The following PRKN variants were observed in gnomAD, a reference collection of about 807,000 sequenced individuals.
PRKN encodes E3 ubiquitin-protein ligase parkin.
A neutral mutation model predicts 59.5 loss-of-function variants in PRKN; 56 were observed. The observed-to-expected ratio is 0.94, with a 90% confidence interval of 0.76 to 1.18. The LOEUF is 1.18. Ranked by LOEUF, PRKN falls within the 50% of genes most tolerant of loss-of-function variation. The pLI is 0.00. For synonymous variants in PRKN, 250 were observed against 222.1 expected (o/e 1.13, Z -1.12); for missense variants, 657 against 596.4 (o/e 1.10, Z -1.06).
At chr6:161,800,306 T>C (rs1292919495) in intron 6 of PRKN, among the ~76,000 whole-genome samples, 2 of 152,154 alleles carry the variant, frequency 1.3e-5, no homozygotes, top group Admixed American at 6.5e-5. Context: ...GCTTTCCTAC[T>C]ACCATTTGCA....
intron 9 of PRKN, among the ~76,000 whole-genome samples, chr6:161,494,876 C>G (rs896515511): frequency 2.0e-5 from 3 of 152,154 alleles, no homozygotes; most frequent in African/African-American, 7.2e-5. Flanking sequence ...CCCAGCCTTT[C>G]CCCAGTCTTC....
intron 6 of PRKN, among the ~76,000 whole-genome samples, chr6:161,910,342 C>A (rs1042269888): frequency 6.6e-6 from 1 of 152,156 alleles, no homozygotes; most frequent in Non-Finnish European, 1.5e-5. Flanking sequence ...ACAACCTCCA[C>A]CTCCTGGGTT....
At position 162,193,666 on chromosome 6, in the gene PRKN, T is replaced by C. The variant is rs76244952; in HGVS notation, c.534+7465A>G. 7.5e-3 allele frequency among the ~76,000 whole-genome samples: 1,139 copies of C among 152,268 alleles called. 15 individuals are homozygous for C. The highest frequency in any genetic ancestry group is 0.014 in the Middle Eastern group (4 of 294). On this transcript the variant is annotated intron_variant, in intron 4 of 11. Coordinates refer to ENST00000366898, the MANE Select transcript of PRKN (RefSeq NM_004562.3). ...TGTGTCCTATGGCCATTTGTAGGAG[T>C]TGGTTCTAGGAAGGCTGCTGAAAAT...
chr6:161,446,831 T>A lies in PRKN; in HGVS notation c.1084-59954A>T, dbSNP rs975885735. 1.3e-5 allele frequency among the ~76,000 whole-genome samples: 2 copies of A among 152,176 alleles called. No homozygotes were observed. Among genetic ancestry groups the A allele is most frequent in the Admixed American group, 1.3e-4 (2 of 15,280 alleles). On this transcript the variant is annotated intron_variant, in intron 9 of 11. Coordinates refer to ENST00000366898, the MANE Select transcript of PRKN (RefSeq NM_004562.3). This position sits in a 1 kb window ranked among gnomAD's most constrained non-coding sequence, Gnocchi z 6.2. Reference sequence around the variant, plus strand: ...TCTTTGGATTTCTTTAAATTGCCATTTAATTCCATCCATCAACCCATTTTT... The same window carrying A: ...TCTTTGGATTTCTTTAAATTGCCATATAATTCCATCCATCAACCCATTTTT...
chr6:162,571,838 G>A (rs1283733286), intron 1 of PRKN, among the ~76,000 whole-genome samples: 1 of 152,158 alleles, frequency 6.6e-6, no homozygotes, highest in Non-Finnish European at 1.5e-5. Flanking sequence ...GGAAAATGCA[G>A]ATAAGTAACT....
In PRKN at chr6:161,785,843, T is replaced by C; in HGVS notation, c.800A>G (p.Tyr267Cys). The C allele has an allele frequency of 6.2e-7, 1 of 1,614,078 alleles. No individual in the cohort carries two copies. Among genetic ancestry groups the C allele is most frequent in the African/African-American group, 1.3e-5 (1 of 75,028 alleles). ...CCGATCATTGAGTCTTGTCACACAG[T>C]ATAAGTGGAAACAGTCTAAGCAAAT... is the stretch of plus-strand genomic sequence containing the variant. ...HVICLDCFHL[Y>C]CVTRLNDRQF... The change falls in exon 7 of 12, where the codon TAC becomes TGC. Residue 267 changes from tyrosine (Y) to cysteine (C), a missense_variant. Coordinates refer to ENST00000366898, the MANE Select transcript of PRKN (RefSeq NM_004562.3).
chr6:161,745,545 A>G (rs1583093074), intron 7 of PRKN, among the ~76,000 whole-genome samples: 1 of 152,216 alleles, frequency 6.6e-6, no homozygotes, highest in South Asian at 2.1e-4. Context: ...GTCAGGATGC[A>G]TGCTTTCTCT....
intron 2 of PRKN, among the ~76,000 whole-genome samples, chr6:162,372,616 C>T (rs973459251): frequency 2.0e-5 from 3 of 152,120 alleles, no homozygotes; most frequent in African/African-American, 7.2e-5. Context: ...GCTATGCTCA[C>T]TACTTGCGTT....
intron 7 of PRKN, among the ~76,000 whole-genome samples, chr6:161,633,996 A>AC (rs1425044649): frequency 1.4e-4 from 14 of 100,150 alleles, no homozygotes; most frequent in African/African-American, 4.6e-4. Context: ...TGGAAAACTT[A>AC]AACACACACA....
intron 9 of PRKN, among the ~76,000 whole-genome samples, chr6:161,506,109 C>T (rs1778159417): frequency 6.6e-6 from 1 of 150,718 alleles, no homozygotes; most frequent in South Asian, 2.1e-4. Context: ...CTATAAATTA[C>T]CTTGGGCAGT....
chr6:162,245,171 C>A (rs35402360), intron 3 of PRKN, among the ~76,000 whole-genome samples: 3 of 151,886 alleles, frequency 2.0e-5, no homozygotes, highest in Admixed American at 1.3e-4. Context: ...TCTTTCAATG[C>A]GATGTAGGTT....
In PRKN at chr6:162,479,370, C is replaced by T. The variant is rs779680046; in HGVS notation, c.8-35897G>A. On this transcript the variant is annotated intron_variant, in intron 1 of 11. Coordinates refer to ENST00000366898, the MANE Select transcript of PRKN (RefSeq NM_004562.3). ...TCTCCTGAGTAGCTGGGATTACAGG[C>T]GCATGCCAACATCCCCAGCTAATTT... 1.1e-4 allele frequency among the ~76,000 whole-genome samples: 16 copies of T among 152,052 alleles called. No homozygotes were observed. The South Asian group carries it at 1.5e-3, about 14-fold the overall frequency.
In PRKN at chr6:162,597,539, G is replaced by C. The variant is rs556076210; in HGVS notation, c.7+130123C>G. Among the ~76,000 whole-genome samples the C allele has an allele frequency of 5.9e-5, 9 of 152,270 alleles. No individual in the cohort carries two copies. In the South Asian group the frequency reaches 1.7e-3, roughly 28 times the overall value. On this transcript the variant is annotated intron_variant, in intron 1 of 11. Coordinates refer to ENST00000366898, the MANE Select transcript of PRKN (RefSeq NM_004562.3). ...TATTTGAAGACCTTTCTTATTATGTGTCTATATTGTATGAATTTTGCTTGT... is the reference window on the plus strand; with the variant it reads ...TATTTGAAGACCTTTCTTATTATGTCTCTATATTGTATGAATTTTGCTTGT...
At chr6:162,208,530 A>T (rs1785054467) in intron 3 of PRKN, among the ~76,000 whole-genome samples, 1 of 152,098 alleles carries the variant, frequency 6.6e-6, no homozygotes, top group African/African-American at 2.4e-5. Flanking sequence ...TTGCCAATTT[A>T]TTTTTTCATT....
chr6:162,213,776 T>C (rs2128075816), intron 3 of PRKN, among the ~76,000 whole-genome samples: 1 of 148,646 alleles, frequency 6.7e-6, no homozygotes, highest in Non-Finnish European at 1.5e-5. Flanking sequence ...ATTATTACTA[T>C]AGTAAAAATA....
intron 9 of PRKN, among the ~76,000 whole-genome samples, chr6:161,541,991 G>A (rs918232425): frequency 2.0e-5 from 3 of 152,166 alleles, no homozygotes; most frequent in African/African-American, 7.2e-5. Flanking sequence ...CCACTTGTAT[G>A]TAGATTTTCT....
rs1020316102 is a variant in PRKN at position 162,056,868 on chromosome 6, G to A, written c.535-2694C>T. The stretch of plus-strand genomic sequence containing the variant: ...CTTCCTGGCAGACAACACTTCACAC[G>A]CGTTGTCACAACTGAGTGCCTCTCG... On this transcript the variant is annotated intron_variant, in intron 4 of 11. Transcript: ENST00000366898. The surrounding 1 kb of genome is among the most constrained non-coding windows in gnomAD (Gnocchi z 4.9). Among the ~76,000 whole-genome samples, 3 of 152,114 alleles carry A rather than the reference G, an allele frequency of 2.0e-5. No individual in the cohort carries two copies. Among genetic ancestry groups the A allele is most frequent in the Non-Finnish European group, 4.4e-5 (3 of 68,024 alleles).
chr6:162,250,614 C>A (rs994914302), intron 3 of PRKN, among the ~76,000 whole-genome samples: 2 of 152,192 alleles, frequency 1.3e-5, no homozygotes, highest in East Asian at 1.9e-4. Context: ...TCACTTATAT[C>A]AACCCATTCA....
chr6:161,524,972 C>G (rs1431475649), intron 9 of PRKN, among the ~76,000 whole-genome samples: 1 of 152,042 alleles, frequency 6.6e-6, no homozygotes, highest in African/African-American at 2.4e-5. Context: ...AATTCTGCAG[C>G]CTGGTTTTAA....
Sources: allele counts gnomAD v4.1 joint callset (sites outside exome capture counted in the v4.1 genomes callset), GRCh38; gene constraint gnomAD v4.1.1; non-coding constraint Gnocchi (gnomAD v3.1); transcripts MANE v1.5; gene names NCBI Gene and HGNC (gene_info 2026-07-23, HGNC 2026-07-21).